The following ARHGAP28 variants were observed in gnomAD, a reference collection of about 807,000 sequenced individuals.
The protein encoded by ARHGAP28 is Rho GTPase activating protein 28.
Under a neutral mutation model 90.7 loss-of-function variants are expected in ARHGAP28, and 56 were observed. The observed-to-expected ratio is 0.62, with a 90% CI of 0.50 to 0.77. ARHGAP28 has a LOEUF of 0.77. Ranked by LOEUF, ARHGAP28 falls within the 30% of genes least tolerant of loss-of-function variation. The pLI is 0.00. For synonymous variants in ARHGAP28, 308 were observed against 323.3 expected (o/e 0.95, Z 0.51); for missense variants, 869 against 900.9 (o/e 0.96, Z 0.45).
At chr18:6,799,646 TAATA>T (rs1264189294) in intron 1 of ARHGAP28, among the ~76,000 whole-genome samples, 1 of 152,170 alleles carries the variant, frequency 6.6e-6, no homozygotes, top group Non-Finnish European at 1.5e-5. Flanking sequence ...ATTCCCTGTT[TAATA>T]AATGGTGTTG....
chr18:6,850,049 T>C (rs1237619148), intron 3 of ARHGAP28, among the ~76,000 whole-genome samples: 1 of 152,192 alleles, frequency 6.6e-6, no homozygotes, highest in Non-Finnish European at 1.5e-5. Flanking sequence ...TGCATTATTC[T>C]TGTAGAGACT....
intron 1 of ARHGAP28, among the ~76,000 whole-genome samples, chr18:6,760,600 T>C (rs75701319): frequency 1.3e-5 from 2 of 152,342 alleles, no homozygotes; most frequent in Admixed American, 6.5e-5. Context: ...TTCAGTTCCT[T>C]AGCAAGGTAA....
intron 1 of ARHGAP28, among the ~76,000 whole-genome samples, chr18:6,818,813 C>G (rs2056608337): frequency 6.6e-6 from 1 of 152,166 alleles, no homozygotes; most frequent in Admixed American, 6.5e-5. Flanking sequence ...TTAGCATGCC[C>G]AGTGCTAATG....
intron 1 of ARHGAP28, among the ~76,000 whole-genome samples, chr18:6,799,849 CA>C (rs1444732031): frequency 6.6e-6 from 1 of 152,088 alleles, no homozygotes; most frequent in Non-Finnish European, 1.5e-5. Flanking sequence ...CAACAGAAGC[CA>C]AAATTGACAA....
At chr18:6,905,502 C>A (rs2057360580) in intron 16 of ARHGAP28, among the ~76,000 whole-genome samples, 1 of 152,008 alleles carries the variant, frequency 6.6e-6, no homozygotes, top group Non-Finnish European at 1.5e-5. Flanking sequence ...AATAAGAATG[C>A]CCACATTCAT....
intron 1 of ARHGAP28, among the ~76,000 whole-genome samples, chr18:6,787,093 G>C (rs2376528): frequency 1.3e-5 from 2 of 151,510 alleles, no homozygotes; most frequent in African/African-American, 4.9e-5. Context: ...GGTGGTGGAC[G>C]CATGTAATCC....
chr18:6,748,722 G>A (rs940284158), intron 1 of ARHGAP28, among the ~76,000 whole-genome samples: 2 of 152,202 alleles, frequency 1.3e-5, no homozygotes, highest in African/African-American at 4.8e-5. Flanking sequence ...AAGACAGAGA[G>A]GAAACCAAAG....
intron 1 of ARHGAP28, 126 bp from the exon 2 acceptor site, chr18:6,824,636 C>A (rs1446360826): frequency 2.4e-6 from 2 of 833,366 alleles, no homozygotes; most frequent in East Asian, 5.5e-5. Flanking sequence ...CCTATCTCAA[C>A]CATGGTTACT....
chr18:6,737,107 T>C (rs565846449), intron 1 of ARHGAP28, among the ~76,000 whole-genome samples: 2 of 152,328 alleles, frequency 1.3e-5, no homozygotes, highest in East Asian at 1.9e-4. Flanking sequence ...TAAAATGTTA[T>C]ATAGCAAAGC....
intron 1 of ARHGAP28, among the ~76,000 whole-genome samples, chr18:6,779,492 A>G (rs1359495166): frequency 6.6e-6 from 1 of 152,242 alleles, no homozygotes; most frequent in Non-Finnish European, 1.5e-5. Context: ...CAAGCTGAGC[A>G]TGAACACTGT....
intron 1 of ARHGAP28, chr18:6,773,875 G>T (rs1226265839): frequency 1.3e-5 from 2 of 152,132 alleles, no homozygotes; most frequent in African/African-American, 2.4e-5. Flanking sequence ...GCCTTCTTGA[G>T]GCTGATTACA....
At chr18:6,740,764 G>A (rs982802126) in intron 1 of ARHGAP28, among the ~76,000 whole-genome samples, 8 of 152,200 alleles carry the variant, frequency 5.3e-5, no homozygotes, top group Non-Finnish European at 1.0e-4. Flanking sequence ...AAAGTTTCAT[G>A]AAGACCAGTC....
chr18:6,850,368 T>A (rs1219640069), intron 3 of ARHGAP28, among the ~76,000 whole-genome samples: 1 of 152,238 alleles, frequency 6.6e-6, no homozygotes, highest in Admixed American at 6.5e-5. Flanking sequence ...AATCACAAAG[T>A]CTGGCTTTAA....
intron 14 of ARHGAP28, among the ~76,000 whole-genome samples, chr18:6,892,106 A>G (rs2057270647): frequency 6.6e-6 from 1 of 151,932 alleles, no homozygotes; most frequent in Non-Finnish European, 1.5e-5. Flanking sequence ...AATTTTAAAA[A>G]ATTTGTTTTA....
intron 1 of ARHGAP28, among the ~76,000 whole-genome samples, chr18:6,750,916 G>A (rs923909090): frequency 4.6e-5 from 7 of 152,012 alleles, no homozygotes; most frequent in Non-Finnish European, 1.0e-4. Flanking sequence ...TCCAATCTGG[G>A]TCTAGATTAT....
intron 16 of ARHGAP28, chr18:6,898,747 T>G: frequency 7.8e-7 from 1 of 1,276,606 alleles, no homozygotes; most frequent in South Asian, 3.0e-5. Context: ...TCAAATCTTT[T>G]ATAACAACTT....
At chr18:6,881,417 G>A (rs2143637644) in intron 10 of ARHGAP28, among the ~76,000 whole-genome samples, 1 of 152,272 alleles carries the variant, frequency 6.6e-6, no homozygotes, top group Non-Finnish European at 1.5e-5. Flanking sequence ...AAATGAGTTT[G>A]CCTTTGAAAA....
chr18:6,859,312 C>G (rs2056979075), intron 4 of ARHGAP28, among the ~76,000 whole-genome samples: 1 of 152,174 alleles, frequency 6.6e-6, no homozygotes, highest in Non-Finnish European at 1.5e-5. Flanking sequence ...CAGGCTTGCT[C>G]TTCTGTCCCT....
At chr18:6,778,130 G>A (rs2056299162) in intron 1 of ARHGAP28, among the ~76,000 whole-genome samples, 1 of 152,200 alleles carries the variant, frequency 6.6e-6, no homozygotes, top group Non-Finnish European at 1.5e-5. Context: ...AAGGATTGGT[G>A]TAGTCTGGAG....
Sources: gnomAD v4.1 joint callset for allele counts (sites outside exome capture counted in the v4.1 genomes callset) on GRCh38, gnomAD v4.1.1 for gene constraint, MANE v1.5 for transcripts, NCBI Gene and HGNC (gene_info 2026-07-23, HGNC 2026-07-21) for gene names.